The following GRAMD1B variants were observed in gnomAD, a reference collection of about 807,000 sequenced individuals.
GRAMD1B encodes protein Aster-B.
In GRAMD1B, 37 loss-of-function variants were observed where a neutral mutation model predicts 99.7. The observed-to-expected ratio is 0.37, with a 90% CI of 0.29 to 0.49. The LOEUF (loss-of-function observed/expected upper bound fraction) is 0.49. GRAMD1B is among the 20% of genes least tolerant of loss of function. The pLI, the probability that GRAMD1B is intolerant of heterozygous loss-of-function variation, is 0.98. For missense variants in GRAMD1B, 888 were observed against 1,009.2 expected, an observed-to-expected ratio of 0.88 and a Z score of 1.63; for synonymous variants, 427 against 387.6, an observed-to-expected ratio of 1.10 and a Z score of -1.19.
intron 1 of GRAMD1B, among the ~76,000 whole-genome samples, chr11:123,418,215 G>A (rs375718748): frequency 1.3e-5 from 2 of 152,132 alleles, no homozygotes; most frequent in Admixed American, 1.3e-4. Context: ...TCCTTCAAAC[G>A]GAAAACCGTG....
At position 123,608,593 on chromosome 11, in the gene GRAMD1B, G is replaced by A. The variant is rs1358312410; in HGVS notation, c.1514-66G>A. Reference sequence around the variant, plus strand: ...GCCAGAGACCTAAGTGCTCTTGGAGGATGTCCCTGGGGCCCCCTCCCCCTC... The same window carrying A: ...GCCAGAGACCTAAGTGCTCTTGGAGAATGTCCCTGGGGCCCCCTCCCCCTC... On this transcript the variant is annotated intron_variant, in intron 11 of 19. Transcript: ENST00000635736. 1.9e-6 allele frequency: 3 copies of A among 1,554,562 alleles called. No individual in the cohort carries two copies. In the South Asian group the frequency reaches 3.6e-5, roughly 18 times the overall value.
intron 2 of GRAMD1B, among the ~76,000 whole-genome samples, chr11:123,545,050 A>G (rs1944920645): frequency 6.6e-6 from 1 of 152,136 alleles, no homozygotes; most frequent in African/African-American, 2.4e-5. Context: ...CTTTGGTCAC[A>G]TACCCTCCCC....
intron 1 of GRAMD1B, among the ~76,000 whole-genome samples, chr11:123,398,122 T>C (rs1282957174): frequency 6.6e-6 from 1 of 152,262 alleles, no homozygotes; most frequent in African/African-American, 2.4e-5. Flanking sequence ...CTCAGTCGTA[T>C]AGTAAATGTA....
At chr11:123,570,209 C>T (rs950311957) in intron 2 of GRAMD1B, among the ~76,000 whole-genome samples, 4 of 152,074 alleles carry the variant, frequency 2.6e-5, no homozygotes, top group African/African-American at 9.7e-5. Flanking sequence ...AATGCAGATT[C>T]CTGAGGCCAT....
At chr11:123,585,043 C>T (rs547820280) in intron 4 of GRAMD1B, among the ~76,000 whole-genome samples, 3 of 152,344 alleles carry the variant, frequency 2.0e-5, no homozygotes, top group East Asian at 3.9e-4. Flanking sequence ...TGGCCCCCGC[C>T]GTGTGTTCTG....
At chr11:123,394,887 C>T (rs1947405909) in intron 1 of GRAMD1B, among the ~76,000 whole-genome samples, 2 of 152,172 alleles carry the variant, frequency 1.3e-5, no homozygotes, top group East Asian at 3.8e-4. Context: ...AACCCTGTTC[C>T]TCACTTGACA....
At chr11:123,559,235 T>C (rs1038864763) in intron 2 of GRAMD1B, among the ~76,000 whole-genome samples, 1 of 152,238 alleles carries the variant, frequency 6.6e-6, no homozygotes, top group Non-Finnish European at 1.5e-5. Flanking sequence ...TTCCCAGGCA[T>C]TGAGCTAACC....
intron 1 of GRAMD1B, among the ~76,000 whole-genome samples, chr11:123,392,775 A>C (rs1461231671): frequency 1.3e-5 from 2 of 152,202 alleles, no homozygotes; most frequent in East Asian, 3.9e-4. Flanking sequence ...ACTAATAGTT[A>C]ATATTACTCC....
chr11:123,391,829 G>C (rs1203097066), intron 1 of GRAMD1B, among the ~76,000 whole-genome samples: 2 of 152,142 alleles, frequency 1.3e-5, no homozygotes, highest in Non-Finnish European at 2.9e-5. Flanking sequence ...TATGCCATGT[G>C]GATACATCTA....
chr11:123,465,663 G>A lies in GRAMD1B; in HGVS notation c.375-15153G>A, dbSNP rs181222131. 3.3e-5 allele frequency among the ~76,000 whole-genome samples: 5 copies of A among 152,110 alleles called. 1 individual carries two copies. The highest frequency in any genetic ancestry group is 1.2e-4 in the African/African-American group (5 of 41,484). On this transcript the variant is annotated intron_variant, in intron 1 of 19. Transcript: ENST00000635736. ...GCATACCTGTAATCCCAGCTACTAG[G>A]GAGACTGAGGCAGGAGAATCACTTG...
At chr11:123,463,623 T>C (rs931197864) in intron 1 of GRAMD1B, among the ~76,000 whole-genome samples, 8 of 152,194 alleles carry the variant, frequency 5.3e-5, no homozygotes, top group Non-Finnish European at 8.8e-5. Context: ...TCATTAGTCC[T>C]ATGGCTCAAA....
intron 2 of GRAMD1B, among the ~76,000 whole-genome samples, chr11:123,516,157 G>A (rs755447846): frequency 2.6e-5 from 4 of 152,166 alleles, no homozygotes; most frequent in Admixed American, 6.5e-5. Flanking sequence ...CATGGTACAC[G>A]CCAGCACACA....
intron 2 of GRAMD1B, among the ~76,000 whole-genome samples, chr11:123,498,617 C>G (rs888328159): frequency 2.0e-5 from 3 of 152,178 alleles, no homozygotes; most frequent in African/African-American, 4.8e-5. Flanking sequence ...ATTCAGCCAT[C>G]TTGCTGTGTC....
intron 2 of GRAMD1B, among the ~76,000 whole-genome samples, chr11:123,551,396 T>C (rs892298095): frequency 6.6e-6 from 1 of 152,200 alleles, no homozygotes; most frequent in South Asian, 2.1e-4. Flanking sequence ...CTACACTACA[T>C]GGGACAGGGA....
chr11:123,550,822 C>G (rs956791545), intron 2 of GRAMD1B, among the ~76,000 whole-genome samples: 1 of 152,146 alleles, frequency 6.6e-6, no homozygotes, highest in African/African-American at 2.4e-5. Context: ...TGGTCACTGG[C>G]CTGTCCTAGG....
intron 2 of GRAMD1B, among the ~76,000 whole-genome samples, chr11:123,542,843 G>A (rs945662106): frequency 5.9e-5 from 9 of 152,172 alleles, no homozygotes; most frequent in Non-Finnish European, 1.0e-4. Flanking sequence ...CAGTAAAGAC[G>A]GGGTTTCACC....
At chr11:123,424,781 T>C (rs976675609) in intron 1 of GRAMD1B, among the ~76,000 whole-genome samples, 1 of 152,224 alleles carries the variant, frequency 6.6e-6, no homozygotes, top group Non-Finnish European at 1.5e-5. Context: ...TGCACTTGTA[T>C]TTTGCACTTA....
At chr11:123,385,990 C>T (rs1947043812) in intron 1 of GRAMD1B, among the ~76,000 whole-genome samples, 1 of 152,134 alleles carries the variant, frequency 6.6e-6, no homozygotes, top group Admixed American at 6.5e-5. Context: ...TCTCTGTCCA[C>T]TTCTGTCAGG....
intron 2 of GRAMD1B, among the ~76,000 whole-genome samples, chr11:123,550,403 CCACA>C (rs1945494597): frequency 6.6e-6 from 1 of 152,208 alleles, no homozygotes; most frequent in East Asian, 1.9e-4. Flanking sequence ...TCAGACACAC[CCACA>C]CACACTGACA....
Sources: allele counts gnomAD v4.1 joint callset (sites outside exome capture counted in the v4.1 genomes callset), GRCh38; gene constraint gnomAD v4.1.1; transcripts MANE v1.5; gene names NCBI Gene and HGNC (gene_info 2026-07-23, HGNC 2026-07-21).